The following RALYL variants were observed in gnomAD, a reference collection of about 807,000 sequenced individuals.
RALYL encodes RALY RNA binding protein like.
In RALYL, 29 loss-of-function variants were observed where a neutral mutation model predicts 35.1. The ratio of observed to expected loss-of-function variants is 0.83; its 90% confidence interval spans 0.61 to 1.13. The LOEUF (loss-of-function observed/expected upper bound fraction) is 1.13, where lower values mean the gene tolerates loss of function less well. Among genes scored for constraint, RALYL ranks in the 50% most tolerant of loss-of-function variants. RALYL has a pLI of 0.00. For synonymous variants in RALYL, 120 were observed against 127.6 expected, an observed-to-expected ratio of 0.94 and a Z score of 0.40; for missense variants, 359 against 360.4, an observed-to-expected ratio of 1.00 and a Z score of 0.03.
intron 2 of RALYL, among the ~76,000 whole-genome samples, chr8:84,625,938 G>T (rs991074302): frequency 5.9e-5 from 9 of 152,074 alleles, no homozygotes; most frequent in East Asian, 1.9e-4. Context: ...TATGTGGAGG[G>T]AGTGGGAAGT....
chr8:84,730,270 C>A (rs1845895137), intron 2 of RALYL, among the ~76,000 whole-genome samples: 1 of 151,974 alleles, frequency 6.6e-6, no homozygotes, highest in African/African-American at 2.4e-5. Context: ...ATAAATAGAA[C>A]CAAAGACAAA....
At chr8:84,605,770 C>A (rs998017541) in intron 2 of RALYL, among the ~76,000 whole-genome samples, 1 of 152,106 alleles carries the variant, frequency 6.6e-6, no homozygotes, top group South Asian at 2.1e-4. Flanking sequence ...TGAACTCCTG[C>A]CTCAGTAACC....
chr8:84,682,789 C>A (rs1300779241), intron 2 of RALYL, among the ~76,000 whole-genome samples: 1 of 151,974 alleles, frequency 6.6e-6, no homozygotes, highest in Non-Finnish European at 1.5e-5. Flanking sequence ...TTCAAAAAAC[C>A]AGCTCCTGGA....
At chr8:84,218,650 C>T (rs1324833769) in intron 1 of RALYL, among the ~76,000 whole-genome samples, 1 of 151,964 alleles carries the variant, frequency 6.6e-6, no homozygotes, top group African/African-American at 2.4e-5. Context: ...TTTCTAACTC[C>T]AACACTGATT....
chr8:84,841,727 T>A (rs551049450), intron 4 of RALYL, among the ~76,000 whole-genome samples: 37 of 152,300 alleles, frequency 2.4e-4, no homozygotes, highest in Non-Finnish European at 4.3e-4. Context: ...AGTAAAGCAC[T>A]CCTCTGCAAA....
intron 8 of RALYL, among the ~76,000 whole-genome samples, chr8:84,905,751 C>T (rs1349422243): frequency 2.0e-5 from 3 of 147,910 alleles, no homozygotes; most frequent in South Asian, 4.3e-4. Flanking sequence ...GGATGGAGTG[C>T]AATGGTGCAA....
intron 2 of RALYL, among the ~76,000 whole-genome samples, chr8:84,747,722 A>G (rs145690518): frequency 1.3e-5 from 2 of 152,054 alleles, no homozygotes; most frequent in African/African-American, 4.8e-5. Flanking sequence ...GACTTGACTT[A>G]ATTTATTATC....
chr8:84,473,860 AT>A (rs2053085605), intron 1 of RALYL, among the ~76,000 whole-genome samples: 1 of 151,930 alleles, frequency 6.6e-6, no homozygotes, highest in African/African-American at 2.4e-5. Context: ...CCTCTTATAT[AT>A]TTTGGTTATT....
chr8:84,704,223 G>C (rs574713139), intron 2 of RALYL, among the ~76,000 whole-genome samples: 1 of 152,126 alleles, frequency 6.6e-6, no homozygotes, highest in Non-Finnish European at 1.5e-5. Context: ...TCAGGAGTTC[G>C]AGATCAGCCT....
chr8:84,655,818 G>A (rs1319084129), intron 2 of RALYL, among the ~76,000 whole-genome samples: 1 of 152,120 alleles, frequency 6.6e-6, no homozygotes, highest in African/African-American at 2.4e-5. Context: ...TGAAAAAATA[G>A]ATTGTGAATA....
chr8:84,491,529 G>T (rs1044634122), intron 1 of RALYL, among the ~76,000 whole-genome samples: 1 of 151,818 alleles, frequency 6.6e-6, no homozygotes, highest in South Asian at 2.1e-4. Flanking sequence ...TTCATGCCAT[G>T]TAATTGCCTA....
chr8:84,399,141 G>A (rs192484453), intron 1 of RALYL, among the ~76,000 whole-genome samples: 41 of 152,174 alleles, frequency 2.7e-4, no homozygotes, highest in Non-Finnish European at 5.6e-4. Flanking sequence ...TTTCATTCCC[G>A]TTTCCTGCTC....
chr8:84,863,034 CA>C (rs1424912378), intron 6 of RALYL, among the ~76,000 whole-genome samples: 6 of 152,120 alleles, frequency 3.9e-5, no homozygotes, highest in Admixed American at 6.5e-5. Flanking sequence ...CAACTAAACA[CA>C]TTGCTAAATT....
At chr8:84,222,869 T>C (rs1489515319) in intron 1 of RALYL, among the ~76,000 whole-genome samples, 1 of 152,106 alleles carries the variant, frequency 6.6e-6, no homozygotes, top group African/African-American at 2.4e-5. Context: ...TTGACAAATA[T>C]ACTCTGTTCA....
chr8:84,528,478 C>A (rs2059059304), intron 1 of RALYL, among the ~76,000 whole-genome samples: 1 of 152,052 alleles, frequency 6.6e-6, no homozygotes. Flanking sequence ...ACCAAGCTCA[C>A]AAAATGATTT....
intron 1 of RALYL, among the ~76,000 whole-genome samples, chr8:84,277,590 C>T (rs2132034656): frequency 6.6e-6 from 1 of 152,304 alleles, no homozygotes; most frequent in African/African-American, 2.4e-5. Flanking sequence ...AGGCAAGTCC[C>T]TTCTGCCTAT....
chr8:84,820,527 TTTGTTTTGTC>T (rs1412351075), intron 4 of RALYL, among the ~76,000 whole-genome samples: 1 of 152,090 alleles, frequency 6.6e-6, no homozygotes, highest in African/African-American at 2.4e-5. Context: ...TGAATTTAGT[TTTGTTTTGTC>T]TTGTTTTTTT....
At chr8:84,602,215 T>C (rs1275289370) in intron 2 of RALYL, among the ~76,000 whole-genome samples, 1 of 152,026 alleles carries the variant, frequency 6.6e-6, no homozygotes, top group African/African-American at 2.4e-5. Flanking sequence ...TGCATCAAAT[T>C]CAAAATATCC....
chr8:84,723,858 C>T (rs1844449679), intron 2 of RALYL, among the ~76,000 whole-genome samples: 1 of 151,714 alleles, frequency 6.6e-6, no homozygotes, highest in African/African-American at 2.4e-5. Flanking sequence ...AATGCTCCCT[C>T]ATTACCCTTT....
Sources: allele counts gnomAD v4.1 joint callset (sites outside exome capture counted in the v4.1 genomes callset), GRCh38; gene constraint gnomAD v4.1.1; transcripts MANE v1.5; gene names NCBI Gene and HGNC (gene_info 2026-07-23, HGNC 2026-07-21).